KIAA0825: variants seen among roughly 807,000 people sequenced by gnomAD.
The protein encoded by KIAA0825 is KIAA0825.
KIAA0825 carries 119 observed loss-of-function variants against 147.6 expected under a neutral mutation model. That is an observed-to-expected ratio of 0.81 (90% CI 0.69 to 0.94). The LOEUF is 0.94. Among genes scored for constraint, KIAA0825 ranks in the 40% least tolerant of loss-of-function variants. The pLI, the probability that KIAA0825 is intolerant of heterozygous loss-of-function variation, is 0.00. For missense variants in KIAA0825, 1,381 were observed against 1,472.7 expected (o/e 0.94, Z 1.02); for synonymous variants, 470 against 518.1 (o/e 0.91, Z 1.26).
At chr5:94,195,215 A>T (rs775928149) in intron 20 of KIAA0825, among the ~76,000 whole-genome samples, 3 of 152,206 alleles carry the variant, frequency 2.0e-5, no homozygotes, top group Non-Finnish European at 2.9e-5. Flanking sequence ...TCTGGGTTAT[A>T]GTTAAATCCT....
At chr5:94,613,500 T>C (rs1356920629) in intron 1 of KIAA0825, among the ~76,000 whole-genome samples, 2 of 152,168 alleles carry the variant, frequency 1.3e-5, no homozygotes, top group African/African-American at 4.8e-5. Context: ...CGCCGGCCAA[T>C]CTTGTCTTCT....
chr5:94,412,775 A>G, intron 15 of KIAA0825, among the ~76,000 whole-genome samples: 1 of 152,134 alleles, frequency 6.6e-6, no homozygotes, highest in Admixed American at 6.5e-5. Context: ...ACTGAAGAGA[A>G]ATGAAAACAT....
intron 20 of KIAA0825, among the ~76,000 whole-genome samples, chr5:94,292,522 A>G (rs998499118): frequency 6.6e-6 from 1 of 152,116 alleles, no homozygotes; most frequent in Non-Finnish European, 1.5e-5. Context: ...TATTTTATTG[A>G]GGATTTTATT....
At chr5:94,271,351 A>G (rs1466882977) in intron 20 of KIAA0825, among the ~76,000 whole-genome samples, 1 of 152,182 alleles carries the variant, frequency 6.6e-6, no homozygotes, top group Non-Finnish European at 1.5e-5. Flanking sequence ...GAGAGAAAAT[A>G]TTTTCAAACT....
rs537293985 is a variant in KIAA0825, at chr5:94,154,776, T to A, written c.3711-652A>T. Among the ~76,000 whole-genome samples the A allele has an allele frequency of 2.6e-5, 4 of 152,260 alleles. No individual in the cohort carries two copies. In the East Asian group the frequency reaches 7.7e-4, roughly 29 times the overall value. On this transcript the variant is annotated intron_variant, in intron 20 of 20. Coordinates refer to ENST00000682413, the MANE Select transcript of KIAA0825 (RefSeq NM_001145678.3). ...GACTCTCAACCTACATACATACAAA[T>A]ATAATCTTGCAAAGTAAATATCATC... is the stretch of plus-strand genomic sequence containing the variant.
intron 20 of KIAA0825, among the ~76,000 whole-genome samples, chr5:94,218,085 T>G (rs1773359806): frequency 6.6e-6 from 1 of 152,186 alleles, no homozygotes; most frequent in South Asian, 2.1e-4. Context: ...ATACCATTAG[T>G]AACTCCAAAG....
chr5:94,429,670 G>A (rs1755400068), intron 14 of KIAA0825, among the ~76,000 whole-genome samples: 3 of 152,158 alleles, frequency 2.0e-5, no homozygotes, highest in Admixed American at 6.5e-5. Flanking sequence ...CAGCCCTGGG[G>A]GGTGGCAGGG....
At chr5:94,592,256 C>G (rs1197805836) in intron 1 of KIAA0825, among the ~76,000 whole-genome samples, 1 of 152,178 alleles carries the variant, frequency 6.6e-6, no homozygotes, top group African/African-American at 2.4e-5. Flanking sequence ...TTCCTAGATA[C>G]AGCAAGGGTA....
chr5:94,462,424 ATGT>A lies in KIAA0825; in HGVS notation c.2206_2208del (p.Thr736del), dbSNP rs771443192. ...GTTAATGGTGAAGTCAAAATGACTA[ATGT>A]TGTAAACAGATTATTACAATGAGTG... is the stretch of plus-strand genomic sequence containing the variant. On this transcript the variant is annotated inframe_deletion, in exon 12 of 21. Coordinates refer to ENST00000682413, the MANE Select transcript of KIAA0825 (RefSeq NM_001145678.3). The A allele has an allele frequency of 2.3e-4, 338 of 1,472,994 alleles. 1 individual carries two copies. The highest frequency in any genetic ancestry group is 1.9e-4 in the Non-Finnish European group (203 of 1,084,566). 91.2% of individuals were successfully genotyped at this position (1,472,994 alleles called of 1,614,324 possible). A position where few individuals can be genotyped will look rare whatever the true frequency, so the allele number is the denominator to read the frequency against.
At chr5:94,254,375 T>C (rs550073205) in intron 20 of KIAA0825, among the ~76,000 whole-genome samples, 5 of 152,298 alleles carry the variant, frequency 3.3e-5, no homozygotes, top group Admixed American at 1.3e-4. Context: ...CTTTACTTTG[T>C]TCTGTGGTCA....
At chr5:94,376,151 T>A (rs2150484875) in intron 20 of KIAA0825, among the ~76,000 whole-genome samples, 1 of 152,328 alleles carries the variant, frequency 6.6e-6, no homozygotes, top group Non-Finnish European at 1.5e-5. Flanking sequence ...ACCTAAATTA[T>A]GCCAGCCATA....
chr5:94,609,218 C>T (rs947361303), intron 1 of KIAA0825, among the ~76,000 whole-genome samples: 2 of 152,138 alleles, frequency 1.3e-5, no homozygotes, highest in African/African-American at 2.4e-5. Context: ...ATTACTTCAA[C>T]CAAAACAATA....
At chr5:94,256,480 A>C (rs1776261026) in intron 20 of KIAA0825, among the ~76,000 whole-genome samples, 1 of 152,196 alleles carries the variant, frequency 6.6e-6, no homozygotes. Flanking sequence ...AAAAGCTAGA[A>C]AAAATTAAAA....
At chr5:94,476,057 G>A (rs1235040186) in intron 7 of KIAA0825, among the ~76,000 whole-genome samples, 1 of 152,050 alleles carries the variant, frequency 6.6e-6, no homozygotes, top group Non-Finnish European at 1.5e-5. Context: ...CTATTATTTA[G>A]TGCTCATTTC....
intron 20 of KIAA0825, among the ~76,000 whole-genome samples, chr5:94,375,677 CTGGGAGTT>C (rs1747457022): frequency 6.6e-6 from 1 of 152,164 alleles, no homozygotes; most frequent in South Asian, 2.1e-4. Context: ...GGAAGGAAAG[CTGGGAGTT>C]TCACATTAGA....
chr5:94,158,960 G>C (rs1206575782), intron 20 of KIAA0825, among the ~76,000 whole-genome samples: 1 of 152,210 alleles, frequency 6.6e-6, no homozygotes, highest in African/African-American at 2.4e-5. Context: ...GCAAGTAGGA[G>C]AAGTCCTGGG....
At chr5:94,454,365 T>TACAA (rs1758813438) in intron 12 of KIAA0825, among the ~76,000 whole-genome samples, 1 of 152,204 alleles carries the variant, frequency 6.6e-6, no homozygotes, top group South Asian at 2.1e-4. Context: ...TCTTGCTTCT[T>TACAA]GTATCCTCAT....
At chr5:94,472,732 AG>A (rs751821521) in intron 8 of KIAA0825, among the ~76,000 whole-genome samples, 1 of 152,136 alleles carries the variant, frequency 6.6e-6, no homozygotes, top group Admixed American at 6.5e-5. Flanking sequence ...CGACAGAGTG[AG>A]GCCCCCGTCT....
chr5:94,470,279 A>T (rs1283213572), intron 9 of KIAA0825, among the ~76,000 whole-genome samples, 168 bp from the exon 10 acceptor site: 2 of 152,214 alleles, frequency 1.3e-5, no homozygotes, highest in Non-Finnish European at 2.9e-5. Flanking sequence ...AAAAAAAAAT[A>T]AAAAAGCTGG....
Sources: gnomAD v4.1 joint callset for allele counts (sites outside exome capture counted in the v4.1 genomes callset) on GRCh38, gnomAD v4.1.1 for gene constraint, MANE v1.5 for transcripts, NCBI Gene and HGNC (gene_info 2026-07-23, HGNC 2026-07-21) for gene names.